Variants in CD96 observed in about 807,000 individuals in gnomAD.
CD96 encodes CD96 molecule.
A neutral mutation model predicts 71.3 loss-of-function variants in CD96; 70 were observed. The ratio of observed to expected loss-of-function variants is 0.98; its 90% CI spans 0.81 to 1.20. CD96 has a LOEUF of 1.20. CD96 is among the 50% of genes most tolerant of loss of function. The pLI, the probability that CD96 is intolerant of heterozygous loss-of-function variation, is 0.00. For synonymous variants in CD96, 248 were observed against 233.0 expected, an observed-to-expected ratio of 1.06 and a Z score of -0.59; for missense variants, 742 against 677.5, an observed-to-expected ratio of 1.10 and a Z score of -1.06.
At chr3:111,627,315 C>G (rs1013151337) in intron 10 of CD96, among the ~76,000 whole-genome samples, 1 of 152,146 alleles carries the variant, frequency 6.6e-6, no homozygotes, top group Admixed American at 6.5e-5. Context: ...CCTGTAGGCA[C>G]TGGAAAGTCC....
chr3:111,630,307 C>T (rs1025817293), intron 10 of CD96, among the ~76,000 whole-genome samples: 1 of 151,830 alleles, frequency 6.6e-6, no homozygotes, highest in Non-Finnish European at 1.5e-5. Context: ...CAAACACAAT[C>T]AGAAATTATA....
chr3:111,602,207 AG>A (rs1222997222), intron 7 of CD96, among the ~76,000 whole-genome samples: 8 of 152,326 alleles, frequency 5.3e-5, no homozygotes, highest in Non-Finnish European at 7.4e-5. Flanking sequence ...TGTGAGCTAA[AG>A]GACCCTAAAA....
intron 3 of CD96, chr3:111,571,050 T>C: frequency 3.5e-6 from 4 of 1,144,640 alleles, no homozygotes; most frequent in Admixed American, 3.4e-5. Flanking sequence ...GGGAGGTCCC[T>C]CCAGGCTGTG....
At chr3:111,605,641 G>A (rs891143739) in intron 7 of CD96, among the ~76,000 whole-genome samples, 1 of 152,122 alleles carries the variant, frequency 6.6e-6, no homozygotes, top group Admixed American at 6.6e-5. Context: ...ATATAGTAGT[G>A]GATCAGAGCT....
chr3:111,550,032 A>G (rs900328763), intron 2 of CD96, among the ~76,000 whole-genome samples: 1 of 152,164 alleles, frequency 6.6e-6, no homozygotes, highest in Non-Finnish European at 1.5e-5. Flanking sequence ...AGCAGAGTCC[A>G]TGGTGACGGA....
intron 12 of CD96, among the ~76,000 whole-genome samples, chr3:111,642,403 GA>G (rs1262920643): frequency 3.3e-5 from 5 of 152,152 alleles, no homozygotes; most frequent in Non-Finnish European, 7.4e-5. Flanking sequence ...AGAAGAGATG[GA>G]TAAATTTCTG....
At chr3:111,641,662 A>G (rs1939597961) in intron 12 of CD96, among the ~76,000 whole-genome samples, 1 of 152,242 alleles carries the variant, frequency 6.6e-6, no homozygotes, top group Non-Finnish European at 1.5e-5. Flanking sequence ...ACAGATATAT[A>G]CAGAACATTT....
At chr3:111,611,614 A>T (rs1486713603) in intron 8 of CD96, among the ~76,000 whole-genome samples, 2 of 152,104 alleles carry the variant, frequency 1.3e-5, no homozygotes, top group Admixed American at 6.6e-5. Flanking sequence ...CTTTATCAAC[A>T]TGTATCTGCT....
intron 10 of CD96, among the ~76,000 whole-genome samples, chr3:111,630,180 A>C (rs1225053371): frequency 6.6e-6 from 1 of 152,158 alleles, no homozygotes; most frequent in Non-Finnish European, 1.5e-5. Flanking sequence ...AATGAAGGAG[A>C]TAGACACACA....
chr3:111,575,585 T>C (rs1330678929), intron 3 of CD96, among the ~76,000 whole-genome samples: 1 of 152,252 alleles, frequency 6.6e-6, no homozygotes, highest in Non-Finnish European at 1.5e-5. Flanking sequence ...ACTGTCTTAA[T>C]CTATTTTGTG....
At chr3:111,545,516 G>A in intron 2 of CD96, 114 bp downstream of exon 2, 2 of 751,390 alleles carry the variant, frequency 2.7e-6, no homozygotes, top group East Asian at 5.2e-5. Context: ...AGGTTGAGCA[G>A]AAAGAGCTAC....
intron 5 of CD96, among the ~76,000 whole-genome samples, chr3:111,591,511 G>A (rs1478701893): frequency 6.6e-6 from 1 of 152,034 alleles, no homozygotes; most frequent in Non-Finnish European, 1.5e-5. Context: ...GAACCCTGTG[G>A]TTTCCTCAAG....
chr3:111,598,546 A>G (rs888966391), intron 6 of CD96, among the ~76,000 whole-genome samples: 11 of 152,370 alleles, frequency 7.2e-5, no homozygotes, highest in African/African-American at 2.6e-4. Flanking sequence ...CCTTTATAAC[A>G]TAGCTACCTG....
downstream of CD96, among the ~76,000 whole-genome samples, chr3:111,656,657 AGAGTT>A (rs1940237328): frequency 6.6e-6 from 1 of 152,222 alleles, no homozygotes. Context: ...TACACAAAAT[AGAGTT>A]AATGTGCAGT....
intron 2 of CD96, among the ~76,000 whole-genome samples, chr3:111,553,036 A>C (rs1457166707): frequency 6.6e-6 from 1 of 151,962 alleles, no homozygotes; most frequent in Non-Finnish European, 1.5e-5. Flanking sequence ...AAAATGCAAG[A>C]CTTCTTGTTT....
chr3:111,611,984 C>T (rs569154123), intron 8 of CD96, among the ~76,000 whole-genome samples: 5 of 152,264 alleles, frequency 3.3e-5, no homozygotes, highest in Admixed American at 3.3e-4. Context: ...ATTGATGAGG[C>T]CGATTCAAAT....
At chr3:111,542,460 A>G in intron 1 of CD96, 151 bp downstream of exon 1, 3 of 696,788 alleles carry the variant, frequency 4.3e-6, no homozygotes, top group Non-Finnish European at 7.9e-6. Flanking sequence ...TTTAAGCGGC[A>G]GGTATAAGAG....
intron 8 of CD96, among the ~76,000 whole-genome samples, chr3:111,619,144 A>G (rs1417277190): frequency 6.6e-6 from 1 of 152,180 alleles, no homozygotes; most frequent in African/African-American, 2.4e-5. Context: ...ATGATGTCAC[A>G]TGGAGATGAC....
intron 4 of CD96, among the ~76,000 whole-genome samples, chr3:111,581,245 T>C (rs1174015014): frequency 6.6e-6 from 1 of 152,186 alleles, no homozygotes; most frequent in African/African-American, 2.4e-5. Flanking sequence ...GTTTTTGCAT[T>C]TAGTAAATTG....
Sources: gnomAD v4.1 joint callset for allele counts (sites outside exome capture counted in the v4.1 genomes callset) on GRCh38, gnomAD v4.1.1 for gene constraint, MANE v1.5 for transcripts, NCBI Gene and HGNC (gene_info 2026-07-23, HGNC 2026-07-21) for gene names.